LUZP2: variants seen among roughly 807,000 people sequenced by gnomAD.
LUZP2 encodes the protein leucine zipper protein 2.
Under a neutral mutation model 51.6 loss-of-function variants are expected in LUZP2, and 52 were observed. The observed-to-expected ratio is 1.01, with a 90% CI of 0.81 to 1.27. The LOEUF is 1.27. Among genes scored for constraint, LUZP2 ranks in the 50% most tolerant of loss-of-function variants. The pLI, the probability that LUZP2 is intolerant of heterozygous loss-of-function variation, is 0.00. For synonymous variants in LUZP2, 154 were observed against 137.3 expected, an observed-to-expected ratio of 1.12 and a Z score of -0.85; for missense variants, 436 against 395.4, an observed-to-expected ratio of 1.10 and a Z score of -0.87.
chr11:24,560,496 A>C (rs1055969804), intron 1 of LUZP2, among the ~76,000 whole-genome samples: 3 of 152,182 alleles, frequency 2.0e-5, no homozygotes, highest in Non-Finnish European at 4.4e-5. Flanking sequence ...AAAACTCACT[A>C]TGGTTGTGTA....
chr11:24,811,308 C>T (rs72886135), intron 5 of LUZP2, among the ~76,000 whole-genome samples: 11,806 of 152,046 alleles, frequency 0.078, 488 homozygotes, highest in African/African-American at 0.11. Flanking sequence ...TCACTTTTAC[C>T]GGTTTTGCTC....
chr11:25,053,397 A>T (rs191612773), intron 10 of LUZP2, among the ~76,000 whole-genome samples: 10 of 152,206 alleles, frequency 6.6e-5, no homozygotes, highest in Middle Eastern at 3.4e-3. Context: ...ATATAATTTT[A>T]AAAAAGCTTT....
At chr11:24,696,799 A>G (rs142494631) in intron 1 of LUZP2, among the ~76,000 whole-genome samples, 163 of 152,178 alleles carry the variant, frequency 1.1e-3, no homozygotes, top group African/African-American at 3.6e-3. Context: ...AACAACATTA[A>G]CAGAATCTTA....
intron 1 of LUZP2, among the ~76,000 whole-genome samples, chr11:24,682,586 A>G (rs371588859): frequency 7.2e-5 from 7 of 96,906 alleles, no homozygotes; most frequent in African/African-American, 1.8e-4. Context: ...ATATATATAT[A>G]TGTGTGTGTG....
chr11:24,828,691 G>T (rs553347175), intron 5 of LUZP2, among the ~76,000 whole-genome samples: 4 of 152,194 alleles, frequency 2.6e-5, no homozygotes, highest in African/African-American at 9.6e-5. Flanking sequence ...TGATGTCTCA[G>T]TGCTGTCCCA....
At chr11:24,787,415 C>T (rs1159183340) in intron 5 of LUZP2, among the ~76,000 whole-genome samples, 3 of 152,096 alleles carry the variant, frequency 2.0e-5, no homozygotes, top group African/African-American at 7.2e-5. Flanking sequence ...TAGTCACTGA[C>T]ACAATGTTAG....
chr11:25,040,343 A>ATTTTTTT (rs57668112), intron 9 of LUZP2, among the ~76,000 whole-genome samples: 1,434 of 98,716 alleles, frequency 0.015, 363 homozygotes, highest in African/African-American at 0.08. Context: ...TTTCTTTCCG[A>ATTTTTTT]TTTTTTTTTT....
intron 7 of LUZP2, among the ~76,000 whole-genome samples, chr11:24,944,990 CACTG>C (rs1281862880): frequency 6.6e-6 from 1 of 152,128 alleles, no homozygotes; most frequent in Non-Finnish European, 1.5e-5. Context: ...AGTTTGAAGA[CACTG>C]AGGTAGAGTA....
intron 1 of LUZP2, among the ~76,000 whole-genome samples, chr11:24,672,442 A>G (rs1284542027): frequency 6.6e-6 from 1 of 152,208 alleles, no homozygotes; most frequent in East Asian, 1.9e-4. Context: ...ACATTAACAT[A>G]TGCTACTATA....
At chr11:25,007,665 G>A (rs1335743607) in intron 9 of LUZP2, among the ~76,000 whole-genome samples, 4 of 152,050 alleles carry the variant, frequency 2.6e-5, no homozygotes, top group Admixed American at 1.3e-4. Context: ...TCCAGGGTGT[G>A]AATCTGTAAT....
intron 1 of LUZP2, among the ~76,000 whole-genome samples, chr11:24,532,891 ACAT>A (rs768456626): frequency 1.3e-5 from 2 of 151,184 alleles, no homozygotes; most frequent in Non-Finnish European, 3.0e-5. Flanking sequence ...TCAAGAAATA[ACAT>A]CAGACAAATT....
intron 5 of LUZP2, among the ~76,000 whole-genome samples, chr11:24,851,816 G>A (rs1046040631): frequency 2.0e-5 from 3 of 152,014 alleles, no homozygotes; most frequent in East Asian, 3.9e-4. Context: ...GTCTATTCAG[G>A]GATTTGACTT....
At chr11:24,923,659 T>C (rs924176477) in intron 7 of LUZP2, among the ~76,000 whole-genome samples, 1 of 152,042 alleles carries the variant, frequency 6.6e-6, no homozygotes, top group African/African-American at 2.4e-5. Context: ...ATCGCGCCAC[T>C]GCACTCCAGC....
intron 9 of LUZP2, among the ~76,000 whole-genome samples, chr11:25,008,787 G>A (rs1856905212): frequency 6.6e-6 from 1 of 152,136 alleles, no homozygotes; most frequent in African/African-American, 2.4e-5. Flanking sequence ...CCAGAAGCAG[G>A]AGGCCCAATG....
At chr11:24,897,508 C>T (rs1020716358) in intron 5 of LUZP2, among the ~76,000 whole-genome samples, 3 of 151,986 alleles carry the variant, frequency 2.0e-5, no homozygotes, top group African/African-American at 4.8e-5. Flanking sequence ...ACAAACAACT[C>T]CCGAGGCGCT....
chr11:24,758,937 A>C (rs1044222964), intron 4 of LUZP2, among the ~76,000 whole-genome samples: 3 of 152,112 alleles, frequency 2.0e-5, no homozygotes, highest in Non-Finnish European at 4.4e-5. Context: ...AAAGATGTAT[A>C]TCTGAAAAAA....
chr11:25,039,108 T>G (rs1234308457), intron 9 of LUZP2, among the ~76,000 whole-genome samples: 1 of 152,132 alleles, frequency 6.6e-6, no homozygotes, highest in Non-Finnish European at 1.5e-5. Context: ...GAAAGATACC[T>G]CTGGTCACTG....
intron 1 of LUZP2, among the ~76,000 whole-genome samples, chr11:24,501,160 T>A (rs1406375904): frequency 6.6e-6 from 1 of 152,212 alleles, no homozygotes; most frequent in Non-Finnish European, 1.5e-5. Context: ...TGATAAAAAT[T>A]GTACCTTCCA....
intron 7 of LUZP2, among the ~76,000 whole-genome samples, chr11:24,959,444 G>C (rs1379588889): frequency 6.6e-6 from 1 of 152,106 alleles, no homozygotes; most frequent in Non-Finnish European, 1.5e-5. Context: ...GCAGCGGTTT[G>C]TAGTTCTCCT....
Sources: allele counts gnomAD v4.1 joint callset (sites outside exome capture counted in the v4.1 genomes callset), GRCh38; gene constraint gnomAD v4.1.1; transcripts MANE v1.5; gene names NCBI Gene and HGNC (gene_info 2026-07-23, HGNC 2026-07-21).